The following CALB2 variants were observed in gnomAD, a reference collection of about 807,000 sequenced individuals.
CALB2 encodes calbindin 2, also known as calretinin.
In CALB2, 34 loss-of-function variants were observed where a neutral mutation model predicts 45.9. The observed-to-expected ratio is 0.74, with a 90% CI of 0.56 to 0.99. The LOEUF is 0.99. Ranked by LOEUF, CALB2 falls within the 50% of genes least tolerant of loss-of-function variation. CALB2 has a pLI of 0.00. For synonymous variants in CALB2, 142 were observed against 129.6 expected, an observed-to-expected ratio of 1.10 and a Z score of -0.65; for missense variants, 344 against 339.3, an observed-to-expected ratio of 1.01 and a Z score of -0.11.
At chr16:71,369,702 C>T (rs780299458) in intron 1 of CALB2, among the ~76,000 whole-genome samples, 48 of 152,268 alleles carry the variant, frequency 3.2e-4, no homozygotes, top group Middle Eastern at 6.8e-3. Flanking sequence ...GCCCTAGCCT[C>T]GGGCTTCTGG....
At chr16:71,389,340 A>C (rs906328957) in intron 10 of CALB2, among the ~76,000 whole-genome samples, 3 of 152,216 alleles carry the variant, frequency 2.0e-5, no homozygotes, top group African/African-American at 7.2e-5. Context: ...ACCGAGGCCC[A>C]GTGAGGTCGA....
At chr16:71,380,706 C>A (rs62055053) in intron 4 of CALB2, among the ~76,000 whole-genome samples, 20,416 of 152,116 alleles carry the variant, frequency 0.13, 1,481 homozygotes, top group South Asian at 0.19. Context: ...CACCCTCCCA[C>A]AGTACTGTCC....
At chr16:71,366,954 ATACCTCTTACTCAGG>A (rs1459286744) in intron 1 of CALB2, among the ~76,000 whole-genome samples, 1 of 152,078 alleles carries the variant, frequency 6.6e-6, no homozygotes, top group Non-Finnish European at 1.5e-5. Context: ...TATTAATATT[ATACCTCTTACTCAGG>A]TACCTCTTAC....
At position 71,377,622 on chromosome 16, in the gene CALB2, T is replaced by C. The variant is rs115276994; in HGVS notation, c.262-45T>C. On this transcript the variant is annotated intron_variant, in intron 3 of 10. Transcript: ENST00000302628. ...AGGGGAAAATCTGCTCTGCTCCCTG[T>C]CAAGTCCCTCCATAACGTTAGTGTC... 3,124 of 1,401,686 alleles carry C rather than the reference T, an allele frequency of 2.2e-3. 59 individuals are homozygous for C. The African/African-American group carries it at 0.04, about 18-fold the overall frequency. 86.8% of individuals were successfully genotyped at this position (1,401,686 alleles called of 1,614,324 possible).
chr16:71,369,237 T>G (rs915811574), intron 1 of CALB2, among the ~76,000 whole-genome samples: 2 of 152,178 alleles, frequency 1.3e-5, no homozygotes, highest in African/African-American at 2.4e-5. Context: ...CTCTTTAATC[T>G]TCATGGCAGC....
intron 1 of CALB2, among the ~76,000 whole-genome samples, chr16:71,370,904 C>T (rs865805139): frequency 2.6e-5 from 4 of 152,278 alleles, no homozygotes; most frequent in East Asian, 1.9e-4. Flanking sequence ...CATCCAGGCT[C>T]AAGGCGTGAG....
At chr16:71,359,455 G>A (rs2042216151) in intron 1 of CALB2, among the ~76,000 whole-genome samples, 1 of 152,168 alleles carries the variant, frequency 6.6e-6, no homozygotes. Context: ...GGGCATGTAG[G>A]TTTCCCAATA....
intron 4 of CALB2, among the ~76,000 whole-genome samples, chr16:71,379,788 A>G (rs2042465721): frequency 1.3e-5 from 2 of 152,184 alleles, no homozygotes; most frequent in Admixed American, 1.3e-4. Context: ...CTGGGCAGAC[A>G]GTCAGTGAGA....
intron 3 of CALB2, among the ~76,000 whole-genome samples, chr16:71,375,427 C>T (rs776693376): frequency 1.3e-5 from 2 of 152,118 alleles, no homozygotes; most frequent in African/African-American, 2.4e-5. Context: ...GAGTGCTGGC[C>T]GGACTCCGTG....
rs751387727 is a variant in CALB2, at chr16:71,358,810, G to A, written c.18G>A (p.Gln6=). ...GGCTCGCCATGGCTGGCCCGCAGCA[G>A]CAGCCCCCTTACCTGCACCTGGCCG... MAGPQ[Q]QPPYLHLAEL... Residue 6 remains glutamine (Q), a synonymous_variant, in exon 1 of 11, where the codon CAG becomes CAA. Transcript: ENST00000302628. 19 of 1,609,302 alleles carry A rather than the reference G, an allele frequency of 1.2e-5. No homozygotes were observed. Among genetic ancestry groups the A allele is most frequent in the Non-Finnish European group, 1.3e-5 (15 of 1,178,840 alleles).
chr16:71,387,940 C>A (rs879485929), intron 10 of CALB2, among the ~76,000 whole-genome samples: 2 of 151,820 alleles, frequency 1.3e-5, no homozygotes, highest in African/African-American at 4.8e-5. Context: ...AGCCCCGGCA[C>A]AATGGGAAAA....
At chr16:71,376,747 ACC>A (rs1487585588) in intron 3 of CALB2, among the ~76,000 whole-genome samples, 1 of 151,668 alleles carries the variant, frequency 6.6e-6, no homozygotes, top group Non-Finnish European at 1.5e-5. Flanking sequence ...AACCACACAC[ACC>A]CCCATACAAC....
At chr16:71,369,848 C>T (rs1379391428) in intron 1 of CALB2, among the ~76,000 whole-genome samples, 3 of 152,138 alleles carry the variant, frequency 2.0e-5, no homozygotes, top group Non-Finnish European at 4.4e-5. Flanking sequence ...ATAGCCAGAT[C>T]GCTGCAGGGA....
chr16:71,389,602 A>G, intron 10 of CALB2, 147 bp from the exon 11 acceptor site: 1 of 764,012 alleles, frequency 1.3e-6, no homozygotes, highest in Non-Finnish European at 2.4e-6. Flanking sequence ...TGACTCCAAA[A>G]TCCATGCTTT....
rs1167875818 is a variant in CALB2, at chr16:71,390,051, C to G, written c.*186C>G. 5.1e-6 allele frequency: 3 copies of G among 582,850 alleles called. No homozygotes were observed. The highest frequency in any genetic ancestry group is 9.2e-6 in the Non-Finnish European group (3 of 325,628). The allele number at this position is 582,850 out of a possible 1,614,324, so 36.1% of individuals were successfully genotyped here. ...GGGGGGCTGTCCTGAGCCCCCTGCA[C>G]CCACCCCTGCCCAGGCAGTCTTTGC... On this transcript the variant is annotated 3_prime_UTR_variant, in exon 11 of 11. Transcript: ENST00000302628.
At chr16:71,384,121 GC>G in intron 7 of CALB2, 96 bp downstream of exon 7, 1 of 1,374,684 alleles carries the variant, frequency 7.3e-7, no homozygotes, top group Non-Finnish European at 1.0e-6. Context: ...AGTGACAGGT[GC>G]GGGTGTCAAG....
At chr16:71,363,372 TGAG>T (rs2042252812) in intron 1 of CALB2, among the ~76,000 whole-genome samples, 1 of 152,178 alleles carries the variant, frequency 6.6e-6, no homozygotes, top group Non-Finnish European at 1.5e-5. Flanking sequence ...TCACAGGGAC[TGAG>T]TCCTGTTCCT....
At chr16:71,363,481 C>T (rs1017536875) in intron 1 of CALB2, among the ~76,000 whole-genome samples, 2 of 152,216 alleles carry the variant, frequency 1.3e-5, no homozygotes, top group Admixed American at 6.5e-5. Context: ...CCCTCTGAAA[C>T]CCAGTGACCT....
At chr16:71,380,287 CTTTTCTTTTTTTTTTTTTTTTTTTTTT>C (rs2042474050) in intron 4 of CALB2, among the ~76,000 whole-genome samples, 1 of 87,096 alleles carries the variant, frequency 1.1e-5, no homozygotes, top group Non-Finnish European at 2.3e-5. Flanking sequence ...TCTTTCCTTC[CTTTTCTTTTTTTTTTTTTTTTTTTTTT>C]TTTTTTTTTT....
Sources: gnomAD v4.1 joint callset for allele counts (sites outside exome capture counted in the v4.1 genomes callset) on GRCh38, gnomAD v4.1.1 for gene constraint, MANE v1.5 for transcripts, NCBI Gene and HGNC (gene_info 2026-07-23, HGNC 2026-07-21) for gene names.